Variants in DTX1 observed in about 807,000 individuals in gnomAD.
DTX1 encodes E3 ubiquitin-protein ligase DTX1.
In DTX1, 26 loss-of-function variants were observed where a neutral mutation model predicts 57.8. The ratio of observed to expected loss-of-function variants is 0.45; its 90% CI spans 0.33 to 0.62. The LOEUF (loss-of-function observed/expected upper bound fraction) is 0.62, where lower values mean the gene tolerates loss of function less well. Among genes scored for constraint, DTX1 ranks in the 20% least tolerant of loss-of-function variants. The pLI, the probability that DTX1 is intolerant of heterozygous loss-of-function variation, is 0.02. For missense variants in DTX1, 704 were observed against 895.3 expected (o/e 0.79, Z 2.73); for synonymous variants, 398 against 394.1 (o/e 1.01, Z -0.12).
chr12:113,085,429 C>G (rs1273450711), intron 3 of DTX1, among the ~76,000 whole-genome samples: 1 of 152,186 alleles, frequency 6.6e-6, no homozygotes. Context: ...CTGATAATTC[C>G]TAAAGAGACG....
chr12:113,058,364 G>A lies in DTX1; in HGVS notation c.172G>A (p.Gly58Ser), dbSNP rs201380111. ...GAACGTGCTGAAGGAGGACGCTCGC[G>A]GTTCCGTGGTCCTGGGGCAGGTGGA... ...IENVLKEDAR[G>S]SVVLGQVDAQ... Residue 58 changes from glycine (G) to serine (S), a missense_variant, in exon 2 of 10, where the codon GGT (glycine) becomes AGT (serine). This residue lies in a region of DTX1 where 237 missense variants were observed against 328.6 expected (regional missense o/e 0.72). Transcript: ENST00000548759. The A allele has an allele frequency of 6.8e-5, 109 of 1,611,942 alleles. No homozygotes were observed. The highest frequency in any genetic ancestry group is 8.9e-5 in the Non-Finnish European group (105 of 1,180,012).
chr12:113,093,079 C>T lies in DTX1; in HGVS notation c.942-83C>T, dbSNP rs1332855839. On this transcript the variant is annotated intron_variant, in intron 3 of 9. Coordinates refer to ENST00000548759, the MANE Select transcript of DTX1 (RefSeq NM_004416.3). The surrounding 1 kb of genome is among the most constrained non-coding windows in gnomAD (Gnocchi z 4.2). ...GAGGCCAGGGTGTGTGGCCCAGGAG[C>T]CAGAGACAGAAGGCAAGCCAGGTCC... 5.6e-6 allele frequency: 8 copies of T among 1,419,118 alleles called. No homozygotes were observed. Among genetic ancestry groups the T allele is most frequent in the Non-Finnish European group, 7.8e-6 (8 of 1,029,560 alleles). 87.9% of individuals were successfully genotyped at this position (1,419,118 alleles called of 1,614,324 possible).
Position 113,058,464 on chromosome 12 carries a change from C to T in DTX1, c.259+13C>T. The T allele has an allele frequency of 1.3e-6, 2 of 1,576,866 alleles. No individual in the cohort carries two copies. Among genetic ancestry groups the T allele is most frequent in the Non-Finnish European group, 1.7e-6 (2 of 1,165,904 alleles). ...CGCCAGGACACAGGTGAGCAGACAC[C>T]CACCCCATGCCACCCGCCCCGCCGA... On this transcript the variant is annotated intron_variant, in intron 2 of 9. Coordinates refer to ENST00000548759, the MANE Select transcript of DTX1 (RefSeq NM_004416.3).
At chr12:113,095,639 A>G (rs1170404460) in intron 9 of DTX1, 2 of 568,296 alleles carry the variant, frequency 3.5e-6, no homozygotes, top group South Asian at 2.3e-5. Context: ...CAAAGACACA[A>G]GGCTTCAGAA....
At chr12:113,096,262 G>A (rs1950290262) in intron 9 of DTX1, among the ~76,000 whole-genome samples, 1 of 150,758 alleles carries the variant, frequency 6.6e-6, no homozygotes, top group Admixed American at 6.6e-5. Flanking sequence ...CCTGCACTTG[G>A]GGAGGCCGAG....
chr12:113,081,921 A>G (rs1050098656), intron 3 of DTX1, among the ~76,000 whole-genome samples: 2 of 152,114 alleles, frequency 1.3e-5, no homozygotes, highest in Admixed American at 1.3e-4. Context: ...GGGTGGCCTC[A>G]GGGAAGCCTG....
chr12:113,065,409 A>T (rs1364971890), intron 2 of DTX1, among the ~76,000 whole-genome samples: 4 of 151,934 alleles, frequency 2.6e-5, no homozygotes, highest in Non-Finnish European at 5.9e-5. Context: ...GCCACCGAGT[A>T]CCTTGGACAG....
intron 2 of DTX1, among the ~76,000 whole-genome samples, chr12:113,063,293 G>C (rs1358055591): frequency 6.6e-6 from 1 of 152,204 alleles, no homozygotes; most frequent in African/African-American, 2.4e-5. Context: ...ATGGCTTTCT[G>C]CTCCCAGAGA....
chr12:113,077,279 C>A lies in DTX1; in HGVS notation c.260-145C>A. On this transcript the variant is annotated intron_variant, in intron 2 of 9. Coordinates refer to ENST00000548759, the MANE Select transcript of DTX1 (RefSeq NM_004416.3). This position sits in a 1 kb window ranked among gnomAD's most constrained non-coding sequence, Gnocchi z 7.8. ...CCTTCCTCTCCGTGCATGTGTTGACCCTCTCCCCAAGTCTGGGTGGACCCC... is the reference window on the plus strand; with the variant it reads ...CCTTCCTCTCCGTGCATGTGTTGACACTCTCCCCAAGTCTGGGTGGACCCC... 1 of 905,098 alleles carries A rather than the reference C, an allele frequency of 1.1e-6. No homozygotes were observed. The highest frequency in any genetic ancestry group is 1.6e-6 in the Non-Finnish European group (1 of 614,716). 56.1% of individuals were successfully genotyped at this position (905,098 alleles called of 1,614,324 possible). A position where few individuals can be genotyped will look rare whatever the true frequency, so the allele number is the denominator to read the frequency against.
intron 3 of DTX1, among the ~76,000 whole-genome samples, chr12:113,086,055 C>G (rs1447424985): frequency 1.3e-5 from 2 of 151,994 alleles, no homozygotes; most frequent in Admixed American, 6.6e-5. Flanking sequence ...ATCACTTGAG[C>G]CCAGGAATTT....
intron 2 of DTX1, among the ~76,000 whole-genome samples, chr12:113,073,425 A>G (rs1674123): frequency 0.57 from 86,831 of 152,026 alleles, 25,727 homozygotes; most frequent in Middle Eastern, 0.73. Context: ...CAGGCATCAG[A>G]GTGAGGCTGC....
intron 3 of DTX1, among the ~76,000 whole-genome samples, chr12:113,092,781 T>C (rs942607592): frequency 6.6e-6 from 1 of 152,226 alleles, no homozygotes; most frequent in Non-Finnish European, 1.5e-5. Flanking sequence ...AAATTAATAA[T>C]GCTACATCTA....
chr12:113,087,811 G>A (rs1400085301), intron 3 of DTX1, among the ~76,000 whole-genome samples: 1 of 152,122 alleles, frequency 6.6e-6, no homozygotes, highest in Non-Finnish European at 1.5e-5. Context: ...TAGGCCTGCT[G>A]GGGGTGGGAG....
At chr12:113,083,188 C>T (rs1248069186) in intron 3 of DTX1, among the ~76,000 whole-genome samples, 2 of 152,170 alleles carry the variant, frequency 1.3e-5, no homozygotes, top group Non-Finnish European at 2.9e-5. Flanking sequence ...CTCATTTTAT[C>T]TTAATTACCT....
intron 2 of DTX1, 34 bp downstream of exon 2, chr12:113,058,485 G>A (rs777380882): frequency 2.1e-5 from 33 of 1,566,592 alleles, no homozygotes; most frequent in Middle Eastern, 1.7e-4. Context: ...CACCCGCCCC[G>A]CCGAGCCATC....
intron 2 of DTX1, among the ~76,000 whole-genome samples, chr12:113,062,913 A>G (rs1197794568): frequency 1.3e-5 from 2 of 152,074 alleles, no homozygotes; most frequent in Admixed American, 6.5e-5. Context: ...CCAGGTCCAG[A>G]GCCCAGAGTC....
intron 3 of DTX1, among the ~76,000 whole-genome samples, chr12:113,079,735 TGTTA>T (rs1236288564): frequency 2.1e-5 from 3 of 145,196 alleles, no homozygotes; most frequent in Non-Finnish European, 3.1e-5. Flanking sequence ...TGTGTGTGTG[TGTTA>T]GTGGAGATGG....
intron 3 of DTX1, among the ~76,000 whole-genome samples, chr12:113,080,840 G>T (rs1406424859): frequency 1.3e-5 from 2 of 151,884 alleles, no homozygotes; most frequent in Non-Finnish European, 2.9e-5. Flanking sequence ...AGCCAGGCAG[G>T]GTGGTGTGCT....
chr12:113,092,526 ATT>A (rs111647982), intron 3 of DTX1, among the ~76,000 whole-genome samples: 3,119 of 152,224 alleles, frequency 0.02, 49 homozygotes, highest in African/African-American at 0.045. Flanking sequence ...GGGGCTCTTC[ATT>A]TGAAGAGAGG....
Sources: gnomAD v4.1 joint callset for allele counts (sites outside exome capture counted in the v4.1 genomes callset) on GRCh38, gnomAD v4.1.1 for gene constraint, gnomAD v4.1.1 regional missense constraint, Gnocchi (gnomAD v3.1) non-coding constraint, MANE v1.5 for transcripts, NCBI Gene and HGNC (gene_info 2026-07-23, HGNC 2026-07-21) for gene names.